Variants in TSPAN9 observed in about 807,000 individuals in gnomAD.
TSPAN9 encodes the protein tetraspanin-9.
In TSPAN9, 16 loss-of-function variants were observed where a neutral mutation model predicts 31.0. The observed-to-expected ratio is 0.52, with a 90% CI of 0.35 to 0.78. The LOEUF (loss-of-function observed/expected upper bound fraction) is 0.78. Among genes scored for constraint, TSPAN9 ranks in the 30% least tolerant of loss-of-function variants. TSPAN9 has a pLI of 0.01. For synonymous variants in TSPAN9, 145 were observed against 121.6 expected (o/e 1.19, Z -1.27); for missense variants, 272 against 312.5 (o/e 0.87, Z 0.98).
intron 3 of TSPAN9, among the ~76,000 whole-genome samples, chr12:3,268,909 CA>C (rs1862606801): frequency 5.1e-5 from 6 of 118,492 alleles, no homozygotes; most frequent in Admixed American, 5.0e-4. Flanking sequence ...TGTGTTCCTG[CA>C]GCCTGCCCTG....
At position 3,192,433 on chromosome 12, in the gene TSPAN9, T is replaced by G. The variant is rs1476232486; in HGVS notation, c.-17-8744T>G. On this transcript the variant is annotated intron_variant, in intron 2 of 8. Coordinates refer to ENST00000011898, the MANE Select transcript of TSPAN9 (RefSeq NM_006675.5). This position sits in a 1 kb window ranked among gnomAD's most constrained non-coding sequence, Gnocchi z 4.6. ...AGGAGGATGCCAGGTGCAGGGAGGC[T>G]CTGCGGCTTGGACTTGTGTTTGCTT... Among the ~76,000 whole-genome samples the G allele has an allele frequency of 6.6e-6, 1 of 151,790 alleles. No individual in the cohort carries two copies. Among genetic ancestry groups the G allele is most frequent in the East Asian group, 1.9e-4 (1 of 5,176 alleles).
At chr12:3,102,022 C>T (rs1336956315) in intron 2 of TSPAN9, among the ~76,000 whole-genome samples, 2 of 152,188 alleles carry the variant, frequency 1.3e-5, no homozygotes, top group Non-Finnish European at 2.9e-5. Context: ...CCCACTGGGT[C>T]AAGGATGGTT....
intron 6 of TSPAN9, 34 bp from the exon 7 acceptor site, chr12:3,281,164 A>C: frequency 6.5e-7 from 1 of 1,549,932 alleles, no homozygotes; most frequent in South Asian, 1.2e-5. Flanking sequence ...GGGCCATGGC[A>C]TGTCTGACTG....
At chr12:3,101,200 G>A (rs966756838) in intron 2 of TSPAN9, among the ~76,000 whole-genome samples, 5 of 152,156 alleles carry the variant, frequency 3.3e-5, no homozygotes, top group Non-Finnish European at 5.9e-5. Context: ...CATAATAACA[G>A]TTTTCCAACA....
rs914077181 is a variant in TSPAN9, at chr12:3,263,073, G to A, written c.64-15348G>A. Among the ~76,000 whole-genome samples, 7 of 152,214 alleles carry A rather than the reference G, an allele frequency of 4.6e-5. 1 individual carries two copies. Among genetic ancestry groups the A allele is most frequent in the African/African-American group, 1.7e-4 (7 of 41,442 alleles). On this transcript the variant is annotated intron_variant, in intron 3 of 8. Coordinates refer to ENST00000011898, the MANE Select transcript of TSPAN9 (RefSeq NM_006675.5). ...ACTCTTAGGGAGGCAGATGTGCTGG[G>A]TTCCAGCCTCCTGGCTCTGTGGGCA...
chr12:3,130,553 A>G (rs1350065271), intron 2 of TSPAN9, among the ~76,000 whole-genome samples: 1 of 152,092 alleles, frequency 6.6e-6, no homozygotes, highest in Non-Finnish European at 1.5e-5. Context: ...CATCCAGGTG[A>G]TAGGGCTTCT....
chr12:3,089,218 C>T (rs1169222013), intron 2 of TSPAN9, among the ~76,000 whole-genome samples: 9 of 140,744 alleles, frequency 6.4e-5, no homozygotes, highest in South Asian at 2.3e-4. Flanking sequence ...GGTGACAGAG[C>T]GAGACTCCAT....
intron 2 of TSPAN9, among the ~76,000 whole-genome samples, chr12:3,194,472 G>A (rs1442376834): frequency 1.3e-5 from 2 of 151,952 alleles, no homozygotes; most frequent in African/African-American, 2.4e-5. Flanking sequence ...CTGCAGCCTC[G>A]ACCTCCCGGG....
intron 1 of TSPAN9, among the ~76,000 whole-genome samples, chr12:3,082,132 G>A (rs1412963271): frequency 3.9e-5 from 6 of 152,202 alleles, no homozygotes; most frequent in Non-Finnish European, 7.3e-5. Flanking sequence ...AGGACAAGGC[G>A]AATGGCTTCT....
At position 3,168,182 on chromosome 12, in the gene TSPAN9, A is replaced by C. The variant is rs2098349637; in HGVS notation, c.-17-32995A>C. ...CTGCAAGGCAGGAGTAGCACCGGTC[A>C]TCCTTGGCAGAGAATCATTCGCTCT... is the stretch of plus-strand genomic sequence containing the variant. On this transcript the variant is annotated intron_variant, in intron 2 of 8. Transcript: ENST00000011898. This position sits in a 1 kb window ranked among gnomAD's most constrained non-coding sequence, Gnocchi z 4.0. Among the ~76,000 whole-genome samples the C allele has an allele frequency of 6.6e-6, 1 of 152,210 alleles. No individual in the cohort carries two copies.
intron 2 of TSPAN9, among the ~76,000 whole-genome samples, chr12:3,097,789 C>A (rs2098309870): frequency 6.6e-6 from 1 of 152,240 alleles, no homozygotes; most frequent in Non-Finnish European, 1.5e-5. Flanking sequence ...ATGTCTCTTT[C>A]AATTTCTCTA....
chr12:3,221,352 A>ATTTTTTTTTTTTTTTTTT (rs200531623), intron 3 of TSPAN9, among the ~76,000 whole-genome samples: 1 of 131,646 alleles, frequency 7.6e-6, no homozygotes, highest in Non-Finnish European at 1.6e-5. Context: ...TATTTAAAAT[A>ATTTTTTTTTTTTTTTTTT]TTTTTCTCTT....
intron 3 of TSPAN9, among the ~76,000 whole-genome samples, chr12:3,263,797 G>C (rs1023847448): frequency 6.6e-6 from 1 of 152,206 alleles, no homozygotes; most frequent in Non-Finnish European, 1.5e-5. Context: ...GTGTTGGGGG[G>C]TGAGGGAGGA....
chr12:3,232,714 T>C (rs2098391406), intron 3 of TSPAN9, among the ~76,000 whole-genome samples: 1 of 152,184 alleles, frequency 6.6e-6, no homozygotes, highest in Non-Finnish European at 1.5e-5. Context: ...GCCCTCCCTG[T>C]CCTTGGAGTG....
At chr12:3,177,721 C>A (rs138711906) in intron 2 of TSPAN9, among the ~76,000 whole-genome samples, 2 of 152,242 alleles carry the variant, frequency 1.3e-5, no homozygotes, top group Non-Finnish European at 2.9e-5. Context: ...GTGTGAGCAA[C>A]CGCACCCAGC....
chr12:3,201,377 G>C (rs2098371695), intron 3 of TSPAN9, 121 bp downstream of exon 3: 1 of 986,144 alleles, frequency 1.0e-6, no homozygotes, highest in Admixed American at 2.4e-5. Context: ...TGGTAAGTGT[G>C]CTTTTAAAAA....
chr12:3,132,755 G>T (rs1315199447), intron 2 of TSPAN9, among the ~76,000 whole-genome samples: 1 of 152,110 alleles, frequency 6.6e-6, no homozygotes, highest in Non-Finnish European at 1.5e-5. Context: ...CCTCTGAAAG[G>T]CGCCACCCCT....
intron 2 of TSPAN9, among the ~76,000 whole-genome samples, chr12:3,104,941 CA>C (rs1271702359): frequency 5.9e-5 from 9 of 152,202 alleles, no homozygotes; most frequent in African/African-American, 1.4e-4. Flanking sequence ...GGGTGATGGG[CA>C]GGGGGACCCT....
intron 3 of TSPAN9, among the ~76,000 whole-genome samples, chr12:3,246,145 A>G (rs1183719336): frequency 1.3e-5 from 2 of 151,198 alleles, no homozygotes; most frequent in African/African-American, 2.4e-5. Context: ...GAAGGGGAAC[A>G]GGCACTAAAC....
Sources: gnomAD v4.1 joint callset for allele counts (sites outside exome capture counted in the v4.1 genomes callset) on GRCh38, gnomAD v4.1.1 for gene constraint, Gnocchi (gnomAD v3.1) non-coding constraint, MANE v1.5 for transcripts, NCBI Gene and HGNC (gene_info 2026-07-23, HGNC 2026-07-21) for gene names.